LATS2: variants seen among roughly 807,000 people sequenced by gnomAD.
LATS2 encodes large tumor suppressor kinase 2.
A neutral mutation model predicts 76.0 loss-of-function variants in LATS2; 24 were observed. The ratio of observed to expected loss-of-function variants is 0.32; its 90% CI spans 0.23 to 0.44. The LOEUF (loss-of-function observed/expected upper bound fraction) is 0.44. Ranked by LOEUF, LATS2 falls within the 20% of genes least tolerant of loss-of-function variation. The pLI, the probability that LATS2 is intolerant of heterozygous loss-of-function variation, is 1.00. For synonymous variants in LATS2, 692 were observed against 635.4 expected (o/e 1.09, Z -1.34); for missense variants, 1,286 against 1,481.2 (o/e 0.87, Z 2.16).
intron 1 of LATS2, among the ~76,000 whole-genome samples, chr13:21,060,766 G>A (rs1873613321): frequency 6.6e-6 from 1 of 151,288 alleles, no homozygotes; most frequent in African/African-American, 2.4e-5. Context: ...GGGGCCAACA[G>A]GGCGGGCTCT....
intron 2 of LATS2, among the ~76,000 whole-genome samples, chr13:21,035,750 G>A (rs1239906787): frequency 6.6e-6 from 1 of 152,192 alleles, no homozygotes; most frequent in South Asian, 2.1e-4. Flanking sequence ...CAGGTTGCTC[G>A]CAGTGGAGGG....
chr13:21,023,658 A>C (rs1330677150), intron 2 of LATS2, among the ~76,000 whole-genome samples: 1 of 30,096 alleles, frequency 3.3e-5, no homozygotes, highest in East Asian at 7.1e-4. Context: ...AAAAAAAAAA[A>C]AAAAAAAAAA....
intron 2 of LATS2, among the ~76,000 whole-genome samples, chr13:21,041,926 CT>C: frequency 6.6e-6 from 1 of 152,124 alleles, no homozygotes; most frequent in African/African-American, 2.4e-5. Context: ...GATGTTCCCC[CT>C]ATAACCCACT....
chr13:21,024,829 G>A (rs1418914125), intron 2 of LATS2, among the ~76,000 whole-genome samples: 1 of 151,794 alleles, frequency 6.6e-6, no homozygotes, highest in Non-Finnish European at 1.5e-5. Context: ...CTTCCAAATC[G>A]GGTGTGTATC....
chr13:21,048,325 C>A (rs1287279454), intron 1 of LATS2, among the ~76,000 whole-genome samples: 1 of 152,182 alleles, frequency 6.6e-6, no homozygotes, highest in Non-Finnish European at 1.5e-5. Context: ...TAGGAATTCA[C>A]ACAAATCACT....
Position 21,002,194 on chromosome 13 carries a change from T to C in LATS2, c.343-10790A>G, listed in dbSNP as rs144696152. Among the ~76,000 whole-genome samples, 260 of 152,096 alleles carry C rather than the reference T, an allele frequency of 1.7e-3. 1 individual carries two copies. Among genetic ancestry groups the C allele is most frequent in the African/African-American group, 6.1e-3 (253 of 41,510 alleles). On this transcript the variant is annotated intron_variant, in intron 2 of 7. Transcript: ENST00000382592. ...TCCTAAAGTGCTGGGATTACACGTG[T>C]GAGCCACTGCGCCCGGCCAAAAAGC... is the stretch of plus-strand genomic sequence containing the variant.
rs200852337 is a variant in LATS2, at chr13:20,981,613, C to T, written c.2518G>A (p.Asp840Asn). ...HVRQDSMEPSDLWDDVSNCRC... is the reference protein window; with the variant it reads ...HVRQDSMEPSNLWDDVSNCRC... Reference sequence around the variant, plus strand: ...CAGTTAGACACATCATCCCAGAGGTCGCTGGGCTCCATGCTGTCCTGTCTG... The same window carrying T: ...CAGTTAGACACATCATCCCAGAGGTTGCTGGGCTCCATGCTGTCCTGTCTG... The change falls in exon 6 of 8, where the codon GAC (aspartate) becomes AAC (asparagine). Residue 840 changes from aspartate (D) to asparagine (N), a missense_variant. This residue lies in a region of LATS2 where 247 missense variants were observed against 385.4 expected (regional missense o/e 0.64). Transcript: ENST00000382592. 33 of 1,613,866 alleles carry T rather than the reference C, an allele frequency of 2.0e-5. No individual in the cohort carries two copies. Among genetic ancestry groups the T allele is most frequent in the South Asian group, 1.8e-4 (16 of 91,034 alleles).
intron 2 of LATS2, among the ~76,000 whole-genome samples, chr13:21,007,702 A>G (rs1207312568): frequency 0.13 from 47 of 358 alleles, 7 homozygotes; most frequent in South Asian, 0.62. Flanking sequence ...TATATATAGT[A>G]TGTATATATA....
At position 20,988,305 on chromosome 13, in the gene LATS2, A is replaced by T; in HGVS notation, c.1475T>A (p.Leu492Gln). The change falls in exon 4 of 8, where the codon CTG becomes CAG. Residue 492 changes from leucine to glutamine, a missense_variant. Transcript: ENST00000382592. The stretch of plus-strand genomic sequence containing the variant: ...GAAGGCGCCTGCGCCGCCCAGCGCC[A>T]GGGCATGCTCCTCCTTGGCGTCCAA... Reference protein sequence around the residue: ...EGLDAKEEHALALGGAGAFPL... With the variant: ...EGLDAKEEHAQALGGAGAFPL... 6.4e-7 allele frequency: 1 copy of T among 1,557,684 alleles called. No homozygotes were observed. Among genetic ancestry groups the T allele is most frequent in the Non-Finnish European group, 8.6e-7 (1 of 1,161,352 alleles).
At chr13:21,036,774 AAAC>A (rs147758795) in intron 2 of LATS2, among the ~76,000 whole-genome samples, 91,990 of 151,376 alleles carry the variant, frequency 0.61, 29,864 homozygotes, top group Non-Finnish European at 0.73. Context: ...CTCCGTCTCA[AAAC>A]AACAACAACA....
At chr13:21,029,503 T>C (rs112854312) in intron 2 of LATS2, among the ~76,000 whole-genome samples, 5,741 of 152,282 alleles carry the variant, frequency 0.038, 341 homozygotes, top group African/African-American at 0.13. Context: ...TTATAAAAGA[T>C]ATTGGAATGT....
intron 6 of LATS2, among the ~76,000 whole-genome samples, chr13:20,980,965 T>C (rs138556382): frequency 1.5e-3 from 227 of 152,310 alleles, no homozygotes; most frequent in African/African-American, 5.2e-3. Flanking sequence ...TGAGCACTAG[T>C]CATTTTACAC....
rs1196036936 is a variant in LATS2 at position 21,019,327 on chromosome 13, TA to T, written c.342+26357del. Among the ~76,000 whole-genome samples the T allele has an allele frequency of 3.0e-3, 443 of 147,838 alleles. 1 individual carries two copies. Among genetic ancestry groups the T allele is most frequent in the African/African-American group, 0.01 (418 of 40,332 alleles). On this transcript the variant is annotated intron_variant, in intron 2 of 7. Transcript: ENST00000382592. ...TTATTATTATTATTATTATTATTAT[TA>T]TTATTATTATTATTTGAGACAGAGT...
chr13:21,041,541 A>T (rs984315190), intron 2 of LATS2, among the ~76,000 whole-genome samples: 3 of 152,210 alleles, frequency 2.0e-5, no homozygotes, highest in Non-Finnish European at 4.4e-5. Flanking sequence ...TACAGCTGAC[A>T]CAATATTCAG....
chr13:20,998,902 C>T (rs1870898734), intron 2 of LATS2, among the ~76,000 whole-genome samples: 1 of 152,094 alleles, frequency 6.6e-6, no homozygotes, highest in Non-Finnish European at 1.5e-5. Flanking sequence ...GCCCTGGCGA[C>T]GTTGTCCACG....
intron 2 of LATS2, among the ~76,000 whole-genome samples, chr13:21,021,281 T>G (rs1447777626): frequency 6.6e-6 from 1 of 152,026 alleles, no homozygotes. Context: ...AAGACCAGCC[T>G]GGCTAACATG....
At chr13:21,039,442 T>C (rs1413609978) in intron 2 of LATS2, among the ~76,000 whole-genome samples, 1 of 152,214 alleles carries the variant, frequency 6.6e-6, no homozygotes, top group Non-Finnish European at 1.5e-5. Flanking sequence ...GCTAGGAGAT[T>C]AGTGTTACCA....
intron 2 of LATS2, among the ~76,000 whole-genome samples, chr13:20,998,831 T>C (rs1174877119): frequency 6.6e-6 from 1 of 152,056 alleles, no homozygotes; most frequent in Non-Finnish European, 1.5e-5. Flanking sequence ...CGCAGCGACA[T>C]TGTGCACGCC....
At chr13:21,010,234 A>C (rs1871538369) in intron 2 of LATS2, among the ~76,000 whole-genome samples, 1 of 152,184 alleles carries the variant, frequency 6.6e-6, no homozygotes, top group Non-Finnish European at 1.5e-5. Context: ...AAAACCCACA[A>C]AGGAATAACA....
Sources: allele counts gnomAD v4.1 joint callset (sites outside exome capture counted in the v4.1 genomes callset), GRCh38; gene constraint gnomAD v4.1.1; regional missense constraint gnomAD v4.1.1; transcripts MANE v1.5; gene names NCBI Gene and HGNC (gene_info 2026-07-23, HGNC 2026-07-21).